GLS: variants seen among roughly 807,000 people sequenced by gnomAD.
GLS encodes glutaminase kidney isoform, mitochondrial.
GLS carries 36 observed loss-of-function variants against 86.7 expected under a neutral mutation model. That is an observed-to-expected ratio of 0.42 (90% confidence interval 0.32 to 0.55). The LOEUF is 0.55. Among genes scored for constraint, GLS ranks in the 20% least tolerant of loss-of-function variants. The probability of loss-of-function intolerance (pLI) is 0.17; values close to 1 mark genes in which losing one functional copy is unlikely to be tolerated. For synonymous variants in GLS, 317 were observed against 305.9 expected, an observed-to-expected ratio of 1.04 and a Z score of -0.38; for missense variants, 528 against 833.4, an observed-to-expected ratio of 0.63 and a Z score of 4.51.
At position 190,962,902 on chromosome 2, in the gene GLS, C is replaced by T. The variant is rs996714565; in HGVS notation, c.1926C>T (p.Tyr642=). The change falls in exon 18 of 18, where the codon TAC becomes TAT. Residue 642 remains tyrosine (Y), a synonymous_variant. Coordinates refer to ENST00000320717, the MANE Select transcript of GLS (RefSeq NM_014905.5). The surrounding 1 kb of genome is among the most constrained non-coding windows in gnomAD (Gnocchi z 4.2). ...ATGTATTTAAAATTCTCCAAGAATA[C>T]CAAGTCCAGTACACACCTCAAGGAG... ...HHDVFKILQE[Y]QVQYTPQGDS... is the part of the protein sequence containing the mutation. 1 of 1,601,660 alleles carries T rather than the reference C, an allele frequency of 6.2e-7. No individual in the cohort carries two copies. Among genetic ancestry groups the T allele is most frequent in the Non-Finnish European group, 8.5e-7 (1 of 1,174,886 alleles).
intron 14 of GLS, chr2:190,932,998 T>A (rs1558987571): frequency 8.3e-7 from 1 of 1,200,272 alleles, no homozygotes; most frequent in Non-Finnish European, 1.0e-6. Context: ...AAAGCTTTTT[T>A]TTCCTTTTAA....
chr2:190,904,969 T>C (rs1248610144), intron 5 of GLS, 35 bp from the exon 6 acceptor site: 4 of 1,235,908 alleles, frequency 3.2e-6, no homozygotes, highest in Non-Finnish European at 4.7e-6. Flanking sequence ...TTTTTCCCAG[T>C]TGATGTTATT....
At chr2:190,937,617 TTTAAG>T (rs1174095310) in intron 14 of GLS, among the ~76,000 whole-genome samples, 1 of 151,356 alleles carries the variant, frequency 6.6e-6, no homozygotes, top group African/African-American at 2.4e-5. Context: ...AGGAAGAGAA[TTTAAG>T]TTGACTTTGT....
intron 14 of GLS, among the ~76,000 whole-genome samples, chr2:190,948,676 G>GAAAAATGAA (rs1690639355): frequency 6.6e-6 from 1 of 152,186 alleles, no homozygotes; most frequent in African/African-American, 2.4e-5. Flanking sequence ...TTTTCTTAGT[G>GAAAAATGAA]GTGGGGGAAG....
chr2:190,894,829 T>A (rs188856155), intron 1 of GLS, among the ~76,000 whole-genome samples: 9 of 152,338 alleles, frequency 5.9e-5, no homozygotes, highest in Admixed American at 2.6e-4. Context: ...ACTCTATAAT[T>A]TGTATTGGGT....
chr2:190,932,233 TACTATTGTAC>T (rs1199232121), intron 14 of GLS, among the ~76,000 whole-genome samples: 1 of 151,990 alleles, frequency 6.6e-6, no homozygotes, highest in Admixed American at 6.6e-5. Flanking sequence ...TTTGGCTTCA[TACTATTGTAC>T]ACATATATTC....
chr2:190,952,029 A>AC (rs1189471613), intron 14 of GLS, among the ~76,000 whole-genome samples: 4 of 152,186 alleles, frequency 2.6e-5, no homozygotes, highest in South Asian at 2.1e-4. Context: ...ACATAGTGAG[A>AC]CCCCATCTCT....
rs1443311752 is a variant in GLS at position 190,943,797 on chromosome 2, A to G, written c.1651-9768A>G. On this transcript the variant is annotated intron_variant, in intron 14 of 17. Coordinates refer to ENST00000320717, the MANE Select transcript of GLS (RefSeq NM_014905.5). This position sits in a 1 kb window ranked among gnomAD's most constrained non-coding sequence, Gnocchi z 4.5. Reference sequence around the variant, plus strand: ...CTTCTGTGAGTATGCTCCATAAAGCACACATGTTGAACGTTTCACAATAGA... The same window carrying G: ...CTTCTGTGAGTATGCTCCATAAAGCGCACATGTTGAACGTTTCACAATAGA... Among the ~76,000 whole-genome samples the G allele has an allele frequency of 6.6e-6, 1 of 152,248 alleles. No individual in the cohort carries two copies. The highest frequency in any genetic ancestry group is 1.5e-5 in the Non-Finnish European group (1 of 68,042).
In GLS at chr2:190,930,433, T is replaced by G. The variant is rs780099097; in HGVS notation, c.1426-4T>G. 34 of 1,599,262 alleles carry G rather than the reference T, an allele frequency of 2.1e-5. No individual in the cohort carries two copies. In the South Asian group the frequency reaches 3.5e-4, roughly 17 times the overall value. On this transcript the variant is annotated splice_region_variant and splice_polypyrimidine_tract_variant and intron_variant, in intron 12 of 17. Coordinates refer to ENST00000320717, the MANE Select transcript of GLS (RefSeq NM_014905.5). This position sits in a 1 kb window ranked among gnomAD's most constrained non-coding sequence, Gnocchi z 5.0. ...TGAATACTCTTTTACTGAATTATTT[T>G]TAGGTTGGTCTTCCTGCAAAATCTG...
chr2:190,916,858 CAG>C (rs896557960), intron 7 of GLS, among the ~76,000 whole-genome samples: 14 of 151,978 alleles, frequency 9.2e-5, no homozygotes, highest in African/African-American at 2.9e-4. Context: ...TAAAAAAAAA[CAG>C]TGTGAATACC....
At position 190,895,270 on chromosome 2, in the gene GLS, TCTTAA is replaced by T. The variant is rs752742569; in HGVS notation, c.483+28_483+32del. On this transcript the variant is annotated intron_variant, in intron 2 of 17. Coordinates refer to ENST00000320717, the MANE Select transcript of GLS (RefSeq NM_014905.5). The surrounding 1 kb of genome is among the most constrained non-coding windows in gnomAD (Gnocchi z 4.2). ...TACAGTAAGTTTTTATATTTTTCTA[TCTTAA>T]CTTAAAAAAATCAATAATAATAAAT... 9.2e-5 allele frequency: 87 copies of T among 943,804 alleles called. No individual in the cohort carries two copies. Among genetic ancestry groups the T allele is most frequent in the Middle Eastern group, 6.0e-4 (2 of 3,332 alleles). The allele number at this position is 943,804 out of a possible 1,614,324, so 58.5% of individuals were successfully genotyped here.
chr2:190,958,846 G>A (rs1025378594), intron 17 of GLS, among the ~76,000 whole-genome samples: 6 of 152,112 alleles, frequency 3.9e-5, no homozygotes, highest in South Asian at 4.2e-4. Context: ...TATGTGGTTG[G>A]CCAATTTTAG....
intron 12 of GLS, among the ~76,000 whole-genome samples, chr2:190,929,712 T>C (rs1690035976): frequency 6.6e-6 from 1 of 152,046 alleles, no homozygotes; most frequent in South Asian, 2.1e-4. Flanking sequence ...TCAGGTGATC[T>C]GCCCACCTCG....
chr2:190,926,464 G>A (rs1306940942), intron 11 of GLS, among the ~76,000 whole-genome samples: 4 of 151,860 alleles, frequency 2.6e-5, no homozygotes, highest in Non-Finnish European at 2.9e-5. Flanking sequence ...TTGGAGTATG[G>A]CTGAGGAAAA....
intron 3 of GLS, among the ~76,000 whole-genome samples, chr2:190,896,998 T>C (rs965049155): frequency 2.6e-5 from 4 of 152,114 alleles, no homozygotes; most frequent in Non-Finnish European, 5.9e-5. Flanking sequence ...GTAGGGGAAC[T>C]GCTTTGGAAT....
At position 190,930,485 on chromosome 2, in the gene GLS, G is replaced by A; in HGVS notation, c.1474G>A (p.Val492Ile). ...AGTTGCTGGGGGCATTCTTTTAGTT[G>A]TCCCCAATGTTATGGGTATGATGTG... ...SGVAGGILLV[V>I]PNVMGMMCWS... Residue 492 changes from valine (V) to isoleucine (I), a missense_variant, in exon 13 of 18, where the codon GTC (valine) becomes ATC (isoleucine). Around this residue, in one of 4 missense-constraint regions of GLS, gnomAD observed 163 missense variants for 429.2 expected, o/e 0.38. Coordinates refer to ENST00000320717, the MANE Select transcript of GLS (RefSeq NM_014905.5). This position sits in a 1 kb window ranked among gnomAD's most constrained non-coding sequence, Gnocchi z 5.0. 1 of 1,610,638 alleles carries A rather than the reference G, an allele frequency of 6.2e-7. No homozygotes were observed. The highest frequency in any genetic ancestry group is 8.5e-7 in the Non-Finnish European group (1 of 1,177,040).
At chr2:190,887,883 A>G (rs1688439230) in intron 1 of GLS, among the ~76,000 whole-genome samples, 1 of 152,136 alleles carries the variant, frequency 6.6e-6, no homozygotes, top group Non-Finnish European at 1.5e-5. Context: ...ACTTTTTAGG[A>G]TATAAGGTAA....
At position 190,933,709 on chromosome 2, in the gene GLS, T is replaced by C. The variant is rs1412042217; in HGVS notation, c.1650+2072T>C. 8 of 895,292 alleles carry C rather than the reference T, an allele frequency of 8.9e-6. No homozygotes were observed. The South Asian group carries it at 2.6e-4, about 29-fold the overall frequency. The allele number at this position is 895,292 out of a possible 1,614,324, so 55.5% of individuals were successfully genotyped here. A position where few individuals can be genotyped will look rare whatever the true frequency, so the allele number is the denominator to read the frequency against. ...CATATTATCCACATAACTTTTTCTA[T>C]GTTATATTTAAATATGAATGGCAAA... On this transcript the variant is annotated intron_variant, in intron 14 of 17. Coordinates refer to ENST00000320717, the MANE Select transcript of GLS (RefSeq NM_014905.5).
In GLS at chr2:190,913,256, AT is replaced by A; in HGVS notation, c.1038+2937del. On this transcript the variant is annotated intron_variant, in intron 7 of 17. Coordinates refer to ENST00000320717, the MANE Select transcript of GLS (RefSeq NM_014905.5). This position sits in a 1 kb window ranked among gnomAD's most constrained non-coding sequence, Gnocchi z 6.1. Reference sequence around the variant, plus strand: ...AGCAAATGTTCAAAAGGATTAGCAGATTGTGGAAAAAAGGAGAATTTGGACA... The same window carrying A: ...AGCAAATGTTCAAAAGGATTAGCAGATGTGGAAAAAAGGAGAATTTGGACA... 2 of 1,301,288 alleles carry A rather than the reference AT, an allele frequency of 1.5e-6. No homozygotes were observed. The highest frequency in any genetic ancestry group is 2.5e-5 in the South Asian group (2 of 80,482). The allele number at this position is 1,301,288 out of a possible 1,614,324, so 80.6% of individuals were successfully genotyped here.
Sources: gnomAD v4.1 joint callset for allele counts (sites outside exome capture counted in the v4.1 genomes callset) on GRCh38, gnomAD v4.1.1 for gene constraint, gnomAD v4.1.1 regional missense constraint, Gnocchi (gnomAD v3.1) non-coding constraint, MANE v1.5 for transcripts, NCBI Gene and HGNC (gene_info 2026-07-23, HGNC 2026-07-21) for gene names.